WASHC2C: variants seen among roughly 807,000 people sequenced by gnomAD.
The protein encoded by WASHC2C is WASH complex subunit 2C.
In WASHC2C, 73 loss-of-function variants were observed where a neutral mutation model predicts 142.2. The ratio of observed to expected loss-of-function variants is 0.51; its 90% CI spans 0.43 to 0.62. The LOEUF (loss-of-function observed/expected upper bound fraction) is 0.62, where lower values mean the gene tolerates loss of function less well. WASHC2C is among the 20% of genes least tolerant of loss of function. WASHC2C has a pLI of 0.00. For missense variants in WASHC2C, 969 were observed against 1,531.7 expected, an observed-to-expected ratio of 0.63 and a Z score of 6.13; for synonymous variants, 337 against 565.5, an observed-to-expected ratio of 0.60 and a Z score of 5.73.
chr10:45,727,183 G>T, upstream of WASHC2C: 2 of 1,457,652 alleles, frequency 1.4e-6, no homozygotes, highest in Non-Finnish European at 1.8e-6. Flanking sequence ...GATCACGTGC[G>T]GGTTCTGTCA....
chr10:45,731,793 CTTTTTTTT>C lies in WASHC2C; in HGVS notation c.291+2779_291+2786del, dbSNP rs782728565. Among the ~76,000 whole-genome samples, 4 of 109,866 alleles carry C rather than the reference CTTTTTTTT, an allele frequency of 3.6e-5. No homozygotes were observed. In the South Asian group the frequency reaches 1.2e-3, roughly 34 times the overall value. 72.1% of individuals were successfully genotyped at this position (109,866 alleles called of 152,430 possible). A position where few individuals can be genotyped will look rare whatever the true frequency, so the allele number is the denominator to read the frequency against. On this transcript the variant is annotated intron_variant, in intron 3 of 30. Coordinates refer to ENST00000623400, the MANE Select transcript of WASHC2C (RefSeq NM_001330074.2). ...TGATATATATTTGTAAGTGATCTGG[CTTTTTTTT>C]TTTTTTTTTTTGAGACGGAGTCTCA...
At chr10:45,782,483 A>G (rs2057594871) in intron 23 of WASHC2C, among the ~76,000 whole-genome samples, 1 of 150,754 alleles carries the variant, frequency 6.6e-6, no homozygotes, top group South Asian at 2.1e-4. Flanking sequence ...AAGGATGTGG[A>G]TAAATGGAAA....
chr10:45,749,590 T>A (rs1409107344), intron 8 of WASHC2C, among the ~76,000 whole-genome samples: 57 of 151,396 alleles, frequency 3.8e-4, no homozygotes, highest in South Asian at 1.7e-3. Flanking sequence ...TTTGGGAGGC[T>A]GAGGCGGGTG....
At chr10:45,780,707 T>C (rs1554887747) in intron 23 of WASHC2C, among the ~76,000 whole-genome samples, 2 of 151,562 alleles carry the variant, frequency 1.3e-5, no homozygotes, top group African/African-American at 2.4e-5. Flanking sequence ...TTCTGTAAGC[T>C]AGTAATGAAC....
intron 8 of WASHC2C, among the ~76,000 whole-genome samples, chr10:45,749,836 A>AAAATATATATAT (rs1227809519): frequency 3.9e-5 from 4 of 101,768 alleles, no homozygotes; most frequent in Non-Finnish European, 5.5e-5. Context: ...AAAAAAAAAA[A>AAAATATATATAT]ATATATATAT....
Position 45,769,359 on chromosome 10 carries a change from T to C in WASHC2C, c.1870-90T>C, listed in dbSNP as rs1235629631. On this transcript the variant is annotated intron_variant, in intron 19 of 30. Coordinates refer to ENST00000623400, the MANE Select transcript of WASHC2C (RefSeq NM_001330074.2). ...GGTCTTGATCTGCTGATCTCGTGAT[T>C]CACCCGCCTCGGCCTCCCAAAGTGC... The C allele has an allele frequency of 5.4e-5, 78 of 1,447,090 alleles. No homozygotes were observed. The Middle Eastern group carries it at 7.4e-4, about 14-fold the overall frequency. 89.6% of individuals were successfully genotyped at this position (1,447,090 alleles called of 1,614,324 possible).
intron 13 of WASHC2C, 131 bp from the exon 14 acceptor site, chr10:45,754,355 C>A: frequency 6.5e-7 from 1 of 1,537,206 alleles, no homozygotes; most frequent in Non-Finnish European, 8.8e-7. Context: ...TTTAAAATGG[C>A]TTGTTCAGGA....
In WASHC2C at chr10:45,728,836, T is replaced by C. The variant is rs201474443; in HGVS notation, c.127-26T>C. 4.6e-3 allele frequency: 7,466 copies of C among 1,609,142 alleles called. 44 individuals are homozygous for C. Among genetic ancestry groups the C allele is most frequent in the Middle Eastern group, 0.02 (122 of 6,036 alleles). On this transcript the variant is annotated intron_variant, in intron 2 of 30. Coordinates refer to ENST00000623400, the MANE Select transcript of WASHC2C (RefSeq NM_001330074.2). ...GAATAGTTACATGTAACATTGATAC[T>C]ACTGTATGTTTATTTTTTAAAATAG...
chr10:45,737,236 CAG>C (rs2051381678), intron 3 of WASHC2C, among the ~76,000 whole-genome samples: 1 of 135,794 alleles, frequency 7.4e-6, no homozygotes, highest in Non-Finnish European at 1.6e-5. Context: ...GCCTCGGTCT[CAG>C]AGAGTGCTGG....
chr10:45,759,466 A>C (rs2054800083), intron 17 of WASHC2C, 65 bp downstream of exon 17: 1 of 1,287,006 alleles, frequency 7.8e-7, no homozygotes, highest in Non-Finnish European at 1.1e-6. Context: ...ACTATTTTTG[A>C]ATCAGGTTTT....
intron 20 of WASHC2C, among the ~76,000 whole-genome samples, chr10:45,771,962 A>G (rs1228072433): frequency 6.6e-6 from 1 of 152,244 alleles, no homozygotes; most frequent in Non-Finnish European, 1.5e-5. Context: ...TGTTTATTGC[A>G]GCCTTAGTCA....
chr10:45,790,325 A>G (rs2058326069), intron 29 of WASHC2C, 31 bp from the exon 30 acceptor site: 4 of 1,609,638 alleles, frequency 2.5e-6, no homozygotes, highest in Admixed American at 3.4e-5. Flanking sequence ...TTGATTTAAC[A>G]TTGTTTTGTA....
At chr10:45,761,503 A>G (rs1554879995) in intron 17 of WASHC2C, among the ~76,000 whole-genome samples, 1 of 152,180 alleles carries the variant, frequency 6.6e-6, no homozygotes, top group African/African-American at 2.4e-5. Flanking sequence ...GCTTTGCCCC[A>G]TGTGTGTCAT....
At chr10:45,784,960 T>C (rs2057919835) in intron 25 of WASHC2C, 59 bp downstream of exon 25, 1 of 1,610,822 alleles carries the variant, frequency 6.2e-7, no homozygotes, top group Admixed American at 1.7e-5. Flanking sequence ...GAAAGGAAAC[T>C]AACGTCCAGT....
chr10:45,791,317 G>T (rs1388631887), intron 30 of WASHC2C, among the ~76,000 whole-genome samples: 12 of 151,926 alleles, frequency 7.9e-5, no homozygotes, highest in Non-Finnish European at 1.8e-4. Flanking sequence ...TACAAAAAAA[G>T]TAATACATGC....
intron 30 of WASHC2C, 112 bp downstream of exon 30, chr10:45,790,645 C>G: frequency 8.2e-7 from 1 of 1,226,168 alleles, no homozygotes; most frequent in East Asian, 2.4e-5. Flanking sequence ...CCAGCGGGTT[C>G]ACTTCAGTGT....
chr10:45,734,990 A>G (rs1268512089), intron 3 of WASHC2C, among the ~76,000 whole-genome samples: 2 of 151,958 alleles, frequency 1.3e-5, no homozygotes, highest in Non-Finnish European at 2.9e-5. Context: ...ATTATGTATG[A>G]ATGTTTGTGT....
chr10:45,728,846 T>C lies in WASHC2C; in HGVS notation c.127-16T>C, dbSNP rs766386911. Reference sequence around the variant, plus strand: ...ATGTAACATTGATACTACTGTATGTTTATTTTTTAAAATAGCTACTACAGT... The same window carrying C: ...ATGTAACATTGATACTACTGTATGTCTATTTTTTAAAATAGCTACTACAGT... On this transcript the variant is annotated splice_polypyrimidine_tract_variant and intron_variant, in intron 2 of 30. Coordinates refer to ENST00000623400, the MANE Select transcript of WASHC2C (RefSeq NM_001330074.2). 43 of 1,611,398 alleles carry C rather than the reference T, an allele frequency of 2.7e-5. No homozygotes were observed. The African/African-American group carries it at 5.0e-4, about 19-fold the overall frequency.
At chr10:45,746,526 A>T (rs545792245) in intron 7 of WASHC2C, 74 bp from the exon 8 acceptor site, 1 of 1,545,514 alleles carries the variant, frequency 6.5e-7, no homozygotes, top group East Asian at 2.3e-5. Context: ...TGCCCCAGAG[A>T]CTTAGACCTG....
Sources: gnomAD v4.1 joint callset for allele counts (sites outside exome capture counted in the v4.1 genomes callset) on GRCh38, gnomAD v4.1.1 for gene constraint, MANE v1.5 for transcripts, NCBI Gene and HGNC (gene_info 2026-07-23, HGNC 2026-07-21) for gene names.